The following HOOK3 variants were observed in gnomAD, a reference collection of about 807,000 sequenced individuals.
The protein encoded by HOOK3 is protein Hook homolog 3.
A neutral mutation model predicts 116.3 loss-of-function variants in HOOK3; 24 were observed. That is an observed-to-expected ratio of 0.21 (90% CI 0.15 to 0.29). The LOEUF (loss-of-function observed/expected upper bound fraction) is 0.29. Among genes scored for constraint, HOOK3 ranks in the 10% least tolerant of loss-of-function variants. The pLI is 1.00. For synonymous variants in HOOK3, 275 were observed against 283.0 expected (o/e 0.97, Z 0.28); for missense variants, 632 against 830.2 (o/e 0.76, Z 2.93).
Position 42,943,356 on chromosome 8 carries a change from A to G in HOOK3, c.311A>G (p.Asn104Ser), listed in dbSNP as rs1586602945. ...AATGACTTTACCCTTCCTGATGTGA[A>G]CCTTATTGGGGAGCATTCTGATGCA... ...QINDFTLPDV[N>S]LIGEHSDAAE... The change falls in exon 5 of 22, where the codon AAC becomes AGC. Residue 104 changes from asparagine (N) to serine (S), a missense_variant. Transcript: ENST00000307602. 1.3e-6 allele frequency: 2 copies of G among 1,558,328 alleles called. No individual in the cohort carries two copies. Among genetic ancestry groups the G allele is most frequent in the Non-Finnish European group, 8.7e-7 (1 of 1,150,150 alleles).
chr8:42,985,767 C>A (rs986295551), intron 14 of HOOK3, among the ~76,000 whole-genome samples: 10 of 151,886 alleles, frequency 6.6e-5, no homozygotes, highest in Admixed American at 5.9e-4. Context: ...CCATGTTGCC[C>A]ATAATAAAAT....
chr8:42,982,102 A>G (rs1808959796), intron 13 of HOOK3, among the ~76,000 whole-genome samples: 1 of 150,768 alleles, frequency 6.6e-6, no homozygotes, highest in Non-Finnish European at 1.5e-5. Flanking sequence ...AAAAATACAA[A>G]AAATTAGCTG....
At chr8:42,906,940 A>G (rs886972122) in intron 2 of HOOK3, among the ~76,000 whole-genome samples, 5 of 152,220 alleles carry the variant, frequency 3.3e-5, no homozygotes, top group African/African-American at 1.2e-4. Flanking sequence ...GTGGGTGTTT[A>G]TGTTTGTTGA....
intron 21 of HOOK3, 149 bp downstream of exon 21, chr8:43,013,549 C>T (rs1809653103): frequency 1.6e-6 from 1 of 620,474 alleles, no homozygotes; most frequent in Non-Finnish European, 2.5e-6. Flanking sequence ...AATGTTATTT[C>T]TGAACTGAAA....
chr8:42,992,399 CAAAAA>C (rs36048747), intron 15 of HOOK3, among the ~76,000 whole-genome samples: 1 of 38,930 alleles, frequency 2.6e-5, no homozygotes, highest in Non-Finnish European at 4.9e-5. Context: ...GACTCTGTCT[CAAAAA>C]AAAAAAAAAA....
At chr8:42,971,362 G>A (rs1335357417) in intron 11 of HOOK3, among the ~76,000 whole-genome samples, 1 of 152,134 alleles carries the variant, frequency 6.6e-6, no homozygotes, top group East Asian at 1.9e-4. Flanking sequence ...CACCTCCCAG[G>A]TTCAAGCGAT....
At chr8:42,933,624 C>G (rs537975392) in intron 4 of HOOK3, among the ~76,000 whole-genome samples, 1 of 152,228 alleles carries the variant, frequency 6.6e-6, no homozygotes, top group South Asian at 2.1e-4. Context: ...TTTTGGTTTA[C>G]TTTCATGTTT....
chr8:42,934,870 A>G (rs186071253), intron 4 of HOOK3, among the ~76,000 whole-genome samples: 3 of 152,276 alleles, frequency 2.0e-5, no homozygotes, highest in Admixed American at 6.5e-5. Flanking sequence ...ATGTGTCTTT[A>G]TAGTACATTG....
intron 4 of HOOK3, among the ~76,000 whole-genome samples, chr8:42,938,130 T>C (rs1808009091): frequency 6.6e-6 from 1 of 152,176 alleles, no homozygotes; most frequent in African/African-American, 2.4e-5. Context: ...ATTGATCCCT[T>C]TACCGTTATG....
intron 4 of HOOK3, among the ~76,000 whole-genome samples, chr8:42,933,780 G>C (rs985759704): frequency 6.6e-6 from 1 of 152,178 alleles, no homozygotes; most frequent in Non-Finnish European, 1.5e-5. Context: ...TCATTCCTCT[G>C]TATTTTGAAA....
chr8:42,939,040 C>A (rs1296230740), intron 4 of HOOK3, among the ~76,000 whole-genome samples: 3 of 152,158 alleles, frequency 2.0e-5, no homozygotes, highest in African/African-American at 7.2e-5. Context: ...GGGGTAAGGT[C>A]ACAGATCAAC....
chr8:42,994,171 A>C (rs534723152), intron 15 of HOOK3, among the ~76,000 whole-genome samples: 28 of 151,524 alleles, frequency 1.8e-4, no homozygotes, highest in African/African-American at 6.3e-4. Context: ...GTGCACCACC[A>C]CCCCCGGCTA....
Position 42,930,108 on chromosome 8 carries a change from C to A in HOOK3, c.217-14C>A. On this transcript the variant is annotated splice_polypyrimidine_tract_variant and intron_variant, in intron 3 of 21. Coordinates refer to ENST00000307602, the MANE Select transcript of HOOK3 (RefSeq NM_032410.4). Reference sequence around the variant, plus strand: ...CTTGCCTTTTACCCAGTTGTTTTCTCTCTCTTTAAACAGATAAGCAATTTA... The same window carrying A: ...CTTGCCTTTTACCCAGTTGTTTTCTATCTCTTTAAACAGATAAGCAATTTA... 1 of 1,551,226 alleles carries A rather than the reference C, an allele frequency of 6.4e-7. No individual in the cohort carries two copies. Among genetic ancestry groups the A allele is most frequent in the South Asian group, 1.3e-5 (1 of 79,466 alleles).
chr8:42,939,260 G>C (rs559807096), intron 4 of HOOK3, among the ~76,000 whole-genome samples: 180 of 152,318 alleles, frequency 1.2e-3, no homozygotes, highest in African/African-American at 4.2e-3. Flanking sequence ...GTGGTGGCCG[G>C]GAAGAGGGGC....
chr8:43,002,271 A>G, intron 17 of HOOK3, 130 bp downstream of exon 17: 1 of 610,842 alleles, frequency 1.6e-6, no homozygotes, highest in Non-Finnish European at 3.0e-6. Flanking sequence ...AATACATATT[A>G]TGAGAGTCTG....
In HOOK3 at chr8:43,023,177, G is replaced by A; in HGVS notation, c.*4679G>A. 7.6e-6 allele frequency: 1 copy of A among 131,922 alleles called. No homozygotes were observed. 8.2% of individuals were successfully genotyped at this position (131,922 alleles called of 1,614,324 possible). A position where few individuals can be genotyped will look rare whatever the true frequency, so the allele number is the denominator to read the frequency against. On this transcript the variant is annotated 3_prime_UTR_variant, in exon 22 of 22. Coordinates refer to ENST00000307602, the MANE Select transcript of HOOK3 (RefSeq NM_032410.4). ...GCCGAGATTGTGCCACTGCACTCCA[G>A]CCTGGGCCACAGAGTGAGACTCCAT...
intron 6 of HOOK3, among the ~76,000 whole-genome samples, chr8:42,955,188 T>C (rs1217045131): frequency 6.6e-6 from 1 of 152,232 alleles, no homozygotes; most frequent in Non-Finnish European, 1.5e-5. Context: ...GGTCTACTTT[T>C]GTGCAGTTCT....
intron 21 of HOOK3, among the ~76,000 whole-genome samples, chr8:43,015,364 A>G (rs2130493481): frequency 6.6e-6 from 1 of 152,120 alleles, no homozygotes; most frequent in South Asian, 2.1e-4. Context: ...CTCTACTAAA[A>G]ATACAGAAAT....
chr8:42,985,812 A>G (rs972331837), intron 14 of HOOK3, among the ~76,000 whole-genome samples: 11 of 151,876 alleles, frequency 7.2e-5, no homozygotes, highest in Non-Finnish European at 1.5e-4. Flanking sequence ...GAATTAGATC[A>G]CAGATTTGGT....
Sources: allele counts gnomAD v4.1 joint callset (sites outside exome capture counted in the v4.1 genomes callset), GRCh38; gene constraint gnomAD v4.1.1; transcripts MANE v1.5; gene names NCBI Gene and HGNC (gene_info 2026-07-23, HGNC 2026-07-21).